PHACTR3: variants seen among roughly 807,000 people sequenced by gnomAD.
PHACTR3 encodes the protein protein phosphatase 1, regulatory subunit 123.
In PHACTR3, 16 loss-of-function variants were observed where a neutral mutation model predicts 66.8. That is an observed-to-expected ratio of 0.24 (90% confidence interval 0.16 to 0.36). PHACTR3 has a LOEUF of 0.36. PHACTR3 is among the 10% of genes least tolerant of loss of function. The pLI, the probability that PHACTR3 is intolerant of heterozygous loss-of-function variation, is 1.00. For missense variants in PHACTR3, 647 were observed against 719.9 expected (o/e 0.90, Z 1.16); for synonymous variants, 323 against 292.1 (o/e 1.11, Z -1.08).
intron 3 of PHACTR3, among the ~76,000 whole-genome samples, chr20:59,750,201 A>G (rs1392722749): frequency 1.3e-5 from 2 of 151,704 alleles, no homozygotes; most frequent in Admixed American, 6.6e-5. Context: ...AGATCATGAG[A>G]CAGGACCTGA....
chr20:59,827,584 C>T (rs2042230310), intron 8 of PHACTR3, among the ~76,000 whole-genome samples: 1 of 152,126 alleles, frequency 6.6e-6, no homozygotes, highest in Non-Finnish European at 1.5e-5. Context: ...CATGGAGGTG[C>T]AGAGAGGAGA....
At chr20:59,832,254 TTGTC>T (rs61670989) in intron 8 of PHACTR3, among the ~76,000 whole-genome samples, 9,209 of 152,248 alleles carry the variant, frequency 0.06, 517 homozygotes, top group African/African-American at 0.15. Context: ...GGCAAAGTAA[TTGTC>T]TGTCCTTGGC....
chr20:59,649,137 G>T (rs2035380695), intron 1 of PHACTR3, among the ~76,000 whole-genome samples: 1 of 152,002 alleles, frequency 6.6e-6, no homozygotes, highest in Non-Finnish European at 1.5e-5. Context: ...CCATGACTTG[G>T]CCTAATATAA....
At chr20:59,810,926 C>T (rs1179190644) in intron 8 of PHACTR3, among the ~76,000 whole-genome samples, 1 of 152,244 alleles carries the variant, frequency 6.6e-6, no homozygotes, top group Non-Finnish European at 1.5e-5. Flanking sequence ...GCTGTTTTGC[C>T]TCCATCCTGT....
intron 5 of PHACTR3, among the ~76,000 whole-genome samples, chr20:59,769,176 A>G (rs1182354163): frequency 6.6e-6 from 1 of 152,192 alleles, no homozygotes; most frequent in East Asian, 1.9e-4. Context: ...TTGACCTCAT[A>G]GCACCATGCG....
intron 8 of PHACTR3, among the ~76,000 whole-genome samples, chr20:59,828,510 T>C (rs1217966858): frequency 2.6e-5 from 4 of 152,332 alleles, no homozygotes; most frequent in African/African-American, 9.6e-5. Flanking sequence ...GTTATGTTGT[T>C]TTTTTGGTTA....
chr20:59,812,785 T>C (rs1016604145), intron 8 of PHACTR3, among the ~76,000 whole-genome samples: 8 of 152,192 alleles, frequency 5.3e-5, no homozygotes, highest in Admixed American at 4.6e-4. Context: ...ATGACACCAC[T>C]AATAGCATCT....
In PHACTR3 at chr20:59,847,308, A is replaced by C; in HGVS notation, c.*178A>C. The C allele has an allele frequency of 2.1e-6, 1 of 476,780 alleles. No homozygotes were observed. The highest frequency in any genetic ancestry group is 2.9e-5 in the East Asian group (1 of 34,478). 29.5% of individuals were successfully genotyped at this position (476,780 alleles called of 1,614,324 possible). A position where few individuals can be genotyped will look rare whatever the true frequency, so the allele number is the denominator to read the frequency against. On this transcript the variant is annotated 3_prime_UTR_variant, in exon 13 of 13. Transcript: ENST00000371015. ...ACTTACCTGCAAGAGGAGTAACCAG[A>C]GGACACACTTCCTTCCTTCTTTGGT...
intron 1 of PHACTR3, among the ~76,000 whole-genome samples, chr20:59,653,127 C>T (rs1056200263): frequency 6.6e-6 from 1 of 151,402 alleles, no homozygotes; most frequent in African/African-American, 2.4e-5. Flanking sequence ...TAATTGAAGA[C>T]AGATGGAAAT....
intron 1 of PHACTR3, among the ~76,000 whole-genome samples, chr20:59,659,653 G>A (rs2035746115): frequency 6.6e-6 from 1 of 152,126 alleles, no homozygotes; most frequent in Non-Finnish European, 1.5e-5. Flanking sequence ...TTACAGGTGT[G>A]AGCCACCGCA....
chr20:59,653,101 A>G (rs562347094), intron 1 of PHACTR3, among the ~76,000 whole-genome samples: 8 of 152,358 alleles, frequency 5.3e-5, no homozygotes, highest in African/African-American at 1.9e-4. Context: ...AAAAATTAAA[A>G]GGGAAAATAT....
chr20:59,712,167 A>T (rs1202116920), intron 1 of PHACTR3, among the ~76,000 whole-genome samples: 1 of 152,090 alleles, frequency 6.6e-6, no homozygotes, highest in South Asian at 2.1e-4. Flanking sequence ...TTTTTTCCCT[A>T]GATTTTCTAC....
intron 1 of PHACTR3, among the ~76,000 whole-genome samples, chr20:59,691,932 T>A (rs1225585782): frequency 6.6e-6 from 1 of 152,212 alleles, no homozygotes; most frequent in Non-Finnish European, 1.5e-5. Flanking sequence ...TTACTTAATA[T>A]TTAGCTTAGT....
Position 59,605,035 on chromosome 20 carries a change from G to C in PHACTR3, c.21G>C (p.Gly7=), listed in dbSNP as rs1168035552. 5.9e-6 allele frequency: 8 copies of C among 1,359,166 alleles called. No individual in the cohort carries two copies. In the Admixed American group the frequency reaches 1.3e-4, roughly 23 times the overall value. The allele number at this position is 1,359,166 out of a possible 1,614,324, so 84.2% of individuals were successfully genotyped here. MAASED[G]SGCLVSRGRS... is the part of the protein sequence containing the mutation. ...GGCCCATGGCCGCGTCGGAGGACGG[G>C]AGCGGCTGCCTCGTGTCGCGGGGCC... Residue 7 remains glycine, a synonymous_variant, in exon 1 of 13, where the codon GGG becomes GGC. Transcript: ENST00000371015.
At chr20:59,761,980 T>C (rs1465244148) in intron 4 of PHACTR3, among the ~76,000 whole-genome samples, 1 of 152,278 alleles carries the variant, frequency 6.6e-6, no homozygotes, top group Non-Finnish European at 1.5e-5. Context: ...TGTTAACAGA[T>C]GTTGCAATTT....
chr20:59,642,113 G>A (rs1263981286), intron 1 of PHACTR3, among the ~76,000 whole-genome samples: 1 of 152,100 alleles, frequency 6.6e-6, no homozygotes, highest in East Asian at 1.9e-4. Context: ...AGGTCCGGAT[G>A]TAGAGAAGGC....
intron 8 of PHACTR3, among the ~76,000 whole-genome samples, chr20:59,827,655 C>T (rs941806963): frequency 6.6e-6 from 1 of 152,126 alleles, no homozygotes; most frequent in African/African-American, 2.4e-5. Context: ...GCCAACTCCA[C>T]GTACCTGGAG....
chr20:59,593,841 A>C (rs1267232512), intron 1 of PHACTR3, among the ~76,000 whole-genome samples: 2 of 152,222 alleles, frequency 1.3e-5, no homozygotes, highest in Non-Finnish European at 2.9e-5. Flanking sequence ...TGAGCTCCCT[A>C]TTCAATTCCA....
chr20:59,670,532 C>T (rs891095311), intron 1 of PHACTR3, among the ~76,000 whole-genome samples: 3 of 140,590 alleles, frequency 2.1e-5, no homozygotes, highest in Non-Finnish European at 3.0e-5. Context: ...TTCTCAATTA[C>T]GTGGAAGCCT....
Sources: gnomAD v4.1 joint callset for allele counts (sites outside exome capture counted in the v4.1 genomes callset) on GRCh38, gnomAD v4.1.1 for gene constraint, MANE v1.5 for transcripts, NCBI Gene and HGNC (gene_info 2026-07-23, HGNC 2026-07-21) for gene names.